Variants in SPATS2L observed in about 807,000 individuals in gnomAD.
SPATS2L encodes SPATS2-like protein.
Under a neutral mutation model 59.6 loss-of-function variants are expected in SPATS2L, and 30 were observed. The ratio of observed to expected loss-of-function variants is 0.50; its 90% CI spans 0.38 to 0.68. The LOEUF is 0.68. Ranked by LOEUF, SPATS2L falls within the 30% of genes least tolerant of loss-of-function variation. The probability of loss-of-function intolerance (pLI) is 0.00; values close to 1 mark genes in which losing one functional copy is unlikely to be tolerated. For synonymous variants in SPATS2L, 252 were observed against 263.5 expected (o/e 0.96, Z 0.42); for missense variants, 615 against 700.0 (o/e 0.88, Z 1.37).
intron 6 of SPATS2L, among the ~76,000 whole-genome samples, chr2:200,421,069 A>G (rs1028320533): frequency 7.9e-5 from 12 of 152,208 alleles, no homozygotes; most frequent in Non-Finnish European, 1.5e-4. Flanking sequence ...AACTCCCGTT[A>G]TATTCAGAGC....
intron 9 of SPATS2L, among the ~76,000 whole-genome samples, chr2:200,462,784 C>T (rs1194532136): frequency 1.3e-5 from 2 of 151,954 alleles, no homozygotes; most frequent in Non-Finnish European, 2.9e-5. Flanking sequence ...AAATTAGCCA[C>T]GTGTGGTGGC....
chr2:200,478,102 CA>C lies in SPATS2L; in HGVS notation c.*75del. On this transcript the variant is annotated 3_prime_UTR_variant, in exon 13 of 13. Transcript: ENST00000409140. Reference sequence around the variant, plus strand: ...CCGAGGTGCTGACCCAATTCGCTGCCAAAAGAGTGTCAATCAGAATATACAA... The same window carrying C: ...CCGAGGTGCTGACCCAATTCGCTGCCAAAGAGTGTCAATCAGAATATACAA... 1.4e-6 allele frequency: 2 copies of C among 1,392,366 alleles called. No individual in the cohort carries two copies. 86.3% of individuals were successfully genotyped at this position (1,392,366 alleles called of 1,614,324 possible).
chr2:200,313,942 C>T (rs2079276355), intron 1 of SPATS2L, among the ~76,000 whole-genome samples: 1 of 152,188 alleles, frequency 6.6e-6, no homozygotes, highest in Non-Finnish European at 1.5e-5. Context: ...TCCAGCTGCT[C>T]TATATTTGGA....
At chr2:200,375,168 A>C (rs1167721890) in intron 2 of SPATS2L, among the ~76,000 whole-genome samples, 1 of 152,182 alleles carries the variant, frequency 6.6e-6, no homozygotes, top group Admixed American at 6.5e-5. Context: ...CGTAAAGTGC[A>C]TGTAGGTGCC....
intron 2 of SPATS2L, among the ~76,000 whole-genome samples, chr2:200,333,550 G>C (rs1019515660): frequency 6.6e-6 from 1 of 151,252 alleles, no homozygotes; most frequent in Non-Finnish European, 1.5e-5. Flanking sequence ...TGTGCACAAC[G>C]TGCAGGTTTG....
chr2:200,344,113 T>G (rs1340946064), intron 2 of SPATS2L, among the ~76,000 whole-genome samples: 1 of 152,068 alleles, frequency 6.6e-6, no homozygotes, highest in Non-Finnish European at 1.5e-5. Flanking sequence ...ATGTCCAGGT[T>G]TGTTATATAG....
chr2:200,382,750 C>G (rs138957060), intron 2 of SPATS2L, among the ~76,000 whole-genome samples: 18 of 152,118 alleles, frequency 1.2e-4, no homozygotes, highest in African/African-American at 3.4e-4. Context: ...ATCTTAATTT[C>G]TATTCGTAGG....
At chr2:200,425,690 C>G (rs536418126) in intron 6 of SPATS2L, among the ~76,000 whole-genome samples, 7 of 152,284 alleles carry the variant, frequency 4.6e-5, no homozygotes, top group African/African-American at 1.4e-4. Flanking sequence ...TTTTAATCAT[C>G]CAACATGTGT....
At chr2:200,306,000 C>T (rs975927018), upstream of SPATS2L, 4 of 983,210 alleles carry the variant, frequency 4.1e-6, no homozygotes, top group African/African-American at 5.3e-5. Context: ...AAACCCACGG[C>T]TGAAGCCCAC....
At chr2:200,461,689 G>A (rs573999414) in intron 9 of SPATS2L, among the ~76,000 whole-genome samples, 2 of 152,304 alleles carry the variant, frequency 1.3e-5, no homozygotes, top group East Asian at 1.9e-4. Context: ...CCAGATTTCA[G>A]TGAAATCCCT....
At chr2:200,353,197 A>G (rs2080799775) in intron 2 of SPATS2L, among the ~76,000 whole-genome samples, 2 of 152,234 alleles carry the variant, frequency 1.3e-5, no homozygotes, top group Non-Finnish European at 2.9e-5. Context: ...GAAAAAGTCC[A>G]TGTAATCTGT....
At chr2:200,471,425 G>A (rs1240293777) in intron 11 of SPATS2L, among the ~76,000 whole-genome samples, 3 of 152,014 alleles carry the variant, frequency 2.0e-5, no homozygotes, top group Admixed American at 2.0e-4. Flanking sequence ...TGTCACCACC[G>A]ATCTCGGGGC....
chr2:200,312,618 G>T (rs1041926244), intron 1 of SPATS2L, among the ~76,000 whole-genome samples: 6 of 152,194 alleles, frequency 3.9e-5, no homozygotes. Context: ...GTGCTATGAA[G>T]TACATGCTCC....
intron 3 of SPATS2L, among the ~76,000 whole-genome samples, chr2:200,393,739 T>C (rs911973748): frequency 6.6e-6 from 1 of 152,262 alleles, no homozygotes; most frequent in Non-Finnish European, 1.5e-5. Context: ...ATTAGTTTGT[T>C]TCTCAATCTG....
chr2:200,443,710 A>G (rs955744551), intron 8 of SPATS2L, among the ~76,000 whole-genome samples: 1 of 152,212 alleles, frequency 6.6e-6, no homozygotes, highest in African/African-American at 2.4e-5. Context: ...GTGCCAGCAT[A>G]AGGACCTGAG....
At chr2:200,374,225 C>G (rs2081525151) in intron 2 of SPATS2L, among the ~76,000 whole-genome samples, 1 of 152,158 alleles carries the variant, frequency 6.6e-6, no homozygotes, top group African/African-American at 2.4e-5. Context: ...CTTTTGTGTG[C>G]TAAGCAGGTA....
At chr2:200,432,163 A>G (rs1421636669) in intron 6 of SPATS2L, among the ~76,000 whole-genome samples, 7 of 152,238 alleles carry the variant, frequency 4.6e-5, no homozygotes. Context: ...AAAAAATGAG[A>G]AAAGGGTATC....
At chr2:200,389,471 T>C (rs1382794869) in intron 3 of SPATS2L, 188 bp downstream of exon 3, 2 of 499,596 alleles carry the variant, frequency 4.0e-6, no homozygotes, top group Non-Finnish European at 7.1e-6. Flanking sequence ...ATGTTAAGCA[T>C]ATGACACTCA....
At chr2:200,334,556 C>T (rs2080073039) in intron 2 of SPATS2L, among the ~76,000 whole-genome samples, 1 of 151,640 alleles carries the variant, frequency 6.6e-6, no homozygotes, top group African/African-American at 2.4e-5. Flanking sequence ...GTTGCCATTG[C>T]TTTTGGTGTT....
Sources: gnomAD v4.1 joint callset for allele counts (sites outside exome capture counted in the v4.1 genomes callset) on GRCh38, gnomAD v4.1.1 for gene constraint, MANE v1.5 for transcripts, NCBI Gene and HGNC (gene_info 2026-07-23, HGNC 2026-07-21) for gene names.